PWWP3A: variants seen among roughly 807,000 people sequenced by gnomAD.
The protein encoded by PWWP3A is PWWP domain-containing DNA repair factor 3A.
A neutral mutation model predicts 79.0 loss-of-function variants in PWWP3A; 53 were observed. The ratio of observed to expected loss-of-function variants is 0.67; its 90% confidence interval spans 0.54 to 0.84. The LOEUF (loss-of-function observed/expected upper bound fraction) is 0.84, where lower values mean the gene tolerates loss of function less well. Among genes scored for constraint, PWWP3A ranks in the 40% least tolerant of loss-of-function variants. The pLI, the probability that PWWP3A is intolerant of heterozygous loss-of-function variation, is 0.00. For synonymous variants in PWWP3A, 443 were observed against 394.4 expected, an observed-to-expected ratio of 1.12 and a Z score of -1.46; for missense variants, 973 against 948.0, an observed-to-expected ratio of 1.03 and a Z score of -0.35.
At chr19:1,362,128 T>G in intron 5 of PWWP3A, 122 bp from the exon 6 acceptor site, 1 of 678,566 alleles carries the variant, frequency 1.5e-6, no homozygotes, top group Non-Finnish European at 2.4e-6. Flanking sequence ...CAGTGTGGAG[T>G]TGTGTATAGC....
At chr19:1,363,661 C>T (rs1179031625) in intron 6 of PWWP3A, among the ~76,000 whole-genome samples, 1 of 152,204 alleles carries the variant, frequency 6.6e-6, no homozygotes, top group African/African-American at 2.4e-5. Flanking sequence ...GGGCGTCTTT[C>T]TGAGGGTTCC....
intron 7 of PWWP3A, among the ~76,000 whole-genome samples, chr19:1,364,949 ACT>A (rs1422104966): frequency 2.6e-5 from 4 of 151,916 alleles, no homozygotes; most frequent in Non-Finnish European, 4.4e-5. Flanking sequence ...TGAAACCCTG[ACT>A]CTACTAAAAA....
intron 9 of PWWP3A, among the ~76,000 whole-genome samples, chr19:1,367,734 C>T (rs2082160026): frequency 6.6e-6 from 1 of 152,258 alleles, no homozygotes; most frequent in South Asian, 2.1e-4. Flanking sequence ...CTGCAGCCAG[C>T]TTTCATCATG....
intron 4 of PWWP3A, chr19:1,359,751 T>C (rs2081967885): frequency 6.2e-6 from 1 of 161,570 alleles, no homozygotes; most frequent in Admixed American, 6.4e-5. Context: ...CAGAGTTCTT[T>C]ATTTAGTTGG....
chr19:1,358,727 C>T (rs2285972), intron 4 of PWWP3A: 872,490 of 1,453,548 alleles, frequency 0.6, 273,319 homozygotes, highest in Non-Finnish European at 0.65. Context: ...TCTCGTACCC[C>T]CGTGGCCTCC....
intron 8 of PWWP3A, 30 bp from the exon 9 acceptor site, chr19:1,367,130 A>G (rs2082146403): frequency 6.3e-7 from 1 of 1,582,872 alleles, no homozygotes; most frequent in Non-Finnish European, 8.7e-7. Context: ...AAGTTCATTC[A>G]TGTTAACTTT....
chr19:1,371,120 T>C (rs940533471), intron 12 of PWWP3A, 42 bp downstream of exon 12: 21 of 1,545,772 alleles, frequency 1.4e-5, no homozygotes, highest in South Asian at 4.8e-5. Context: ...GGGAGGGGCC[T>C]GCGCTGGGAT....
intron 7 of PWWP3A, 148 bp from the exon 8 acceptor site, chr19:1,366,157 C>A: frequency 1.3e-6 from 1 of 749,788 alleles, no homozygotes; most frequent in Non-Finnish European, 2.2e-6. Context: ...GGCCGTTTCT[C>A]AGCGCCTCCT....
chr19:1,376,176 A>T (rs1178389553), intron 13 of PWWP3A, among the ~76,000 whole-genome samples: 8 of 137,224 alleles, frequency 5.8e-5, no homozygotes. Flanking sequence ...CCCAGGCTGG[A>T]GTACAATGGC....
intron 6 of PWWP3A, chr19:1,364,039 T>C (rs745365933): frequency 9.5e-6 from 4 of 421,022 alleles, no homozygotes; most frequent in Non-Finnish European, 1.4e-5. Flanking sequence ...TAAATAATTT[T>C]CCCATTTTTG....
At chr19:1,371,346 C>G (rs1292283004) in intron 12 of PWWP3A, 14 of 704,562 alleles carry the variant, frequency 2.0e-5, no homozygotes, top group Non-Finnish European at 3.1e-5. Flanking sequence ...GGGGTGCGAA[C>G]TCCCTCCCTA....
At position 1,377,299 on chromosome 19, in the gene PWWP3A, C is replaced by G. The variant is rs1034580203; in HGVS notation, c.*723C>G. The G allele has an allele frequency of 6.6e-6, 1 of 152,666 alleles. No homozygotes were observed. The highest frequency in any genetic ancestry group is 2.1e-4 in the South Asian group (1 of 4,840). The allele number at this position is 152,666 out of a possible 1,614,324, so 9.5% of individuals were successfully genotyped here. On this transcript the variant is annotated 3_prime_UTR_variant, in exon 14 of 14. Coordinates refer to ENST00000591337, the MANE Select transcript of PWWP3A (RefSeq NM_001369789.1). ...CACCTCCCCCGCCCGCCTGGCCTGT[C>G]CTGAGTGCATTTCCCTGCACTGTGT...
rs1335429566 is a variant in PWWP3A, at chr19:1,376,504, T to C, written c.2076-15T>C. Reference sequence around the variant, plus strand: ...AATGATTAATTACTAAAATGAAGACTCTTGTTTTCTGAAGGGAAAAAGAAA... The same window carrying C: ...AATGATTAATTACTAAAATGAAGACCCTTGTTTTCTGAAGGGAAAAAGAAA... On this transcript the variant is annotated splice_polypyrimidine_tract_variant and intron_variant, in intron 13 of 13. Coordinates refer to ENST00000591337, the MANE Select transcript of PWWP3A (RefSeq NM_001369789.1). The C allele has an allele frequency of 1.9e-6, 3 of 1,612,566 alleles. No homozygotes were observed. The highest frequency in any genetic ancestry group is 2.5e-6 in the Non-Finnish European group (3 of 1,179,186).
In PWWP3A at chr19:1,376,382, C is replaced by T. The variant is rs1216039222; in HGVS notation, c.2076-137C>T. ...TGTTAGCCAGGATGGTCCTGATCTCCTGACCTTGTGATCCGCCTGCCTCGG... is the reference window on the plus strand; with the variant it reads ...TGTTAGCCAGGATGGTCCTGATCTCTTGACCTTGTGATCCGCCTGCCTCGG... On this transcript the variant is annotated intron_variant, in intron 13 of 13. Transcript: ENST00000591337. 3.2e-5 allele frequency: 18 copies of T among 567,806 alleles called. No homozygotes were observed. The East Asian group carries it at 7.5e-4, about 24-fold the overall frequency. 35.2% of individuals were successfully genotyped at this position (567,806 alleles called of 1,614,324 possible). A position where few individuals can be genotyped will look rare whatever the true frequency, so the allele number is the denominator to read the frequency against.
At chr19:1,361,068 G>A in intron 5 of PWWP3A, 36 bp downstream of exon 5, 39 of 1,404,792 alleles carry the variant, frequency 2.8e-5, no homozygotes, top group Non-Finnish European at 3.5e-5. Context: ...AGCGCAGAGG[G>A]TGGAGTCCTG....
chr19:1,367,759 T>C (rs2082160654), intron 9 of PWWP3A, among the ~76,000 whole-genome samples: 1 of 152,216 alleles, frequency 6.6e-6, no homozygotes, highest in South Asian at 2.1e-4. Context: ...GTCGATGAAC[T>C]GCAAGGGATT....
chr19:1,360,907 C>G lies in PWWP3A; in HGVS notation c.986C>G (p.Pro329Arg). The G allele has an allele frequency of 6.5e-7, 1 of 1,539,980 alleles. No individual in the cohort carries two copies. The highest frequency in any genetic ancestry group is 8.8e-7 in the Non-Finnish European group (1 of 1,142,248). Residue 329 changes from proline (P) to arginine (R), a missense_variant, in exon 5 of 14, where the codon CCG (proline) becomes CGG (arginine). Physicochemically the swap from Pro to Arg is moderately radical, Grantham distance 103 (BLOSUM62 -2). Transcript: ENST00000591337. This position sits in a 1 kb window ranked among gnomAD's most constrained non-coding sequence, Gnocchi z 4.4. The stretch of plus-strand genomic sequence containing the variant: ...GCAGGGGCCGCACCATCCCCCGGGC[C>G]GGGGCCAGGGCCCAGAGAGTCTGTG... ...MAAGAAPSPG[P>R]GPGPRESVTP...
At chr19:1,361,945 G>C (rs1236600627) in intron 5 of PWWP3A, 3 of 272,128 alleles carry the variant, frequency 1.1e-5, no homozygotes, top group African/African-American at 6.6e-5. Flanking sequence ...CGGGACAAAA[G>C]GGATTCCCAC....
intron 12 of PWWP3A, chr19:1,371,407 C>A: frequency 1.4e-6 from 1 of 702,496 alleles, no homozygotes; most frequent in South Asian, 1.5e-5. Flanking sequence ...CCTGGGAAAC[C>A]CACTGCGAGT....
Sources: allele counts gnomAD v4.1 joint callset (sites outside exome capture counted in the v4.1 genomes callset), GRCh38; gene constraint gnomAD v4.1.1; non-coding constraint Gnocchi (gnomAD v3.1); transcripts MANE v1.5; gene names NCBI Gene and HGNC (gene_info 2026-07-23, HGNC 2026-07-21).